The following SLC16A12 variants were observed in gnomAD, a reference collection of about 807,000 sequenced individuals.
SLC16A12 encodes monocarboxylate transporter 12.
Under a neutral mutation model 42.4 loss-of-function variants are expected in SLC16A12, and 17 were observed. The observed-to-expected ratio is 0.40, with a 90% CI of 0.27 to 0.60. The LOEUF (loss-of-function observed/expected upper bound fraction) is 0.60, where lower values mean the gene tolerates loss of function less well. SLC16A12 is among the 20% of genes least tolerant of loss of function. The pLI, the probability that SLC16A12 is intolerant of heterozygous loss-of-function variation, is 0.42. For missense variants in SLC16A12, 544 were observed against 623.0 expected, an observed-to-expected ratio of 0.87 and a Z score of 1.35; for synonymous variants, 224 against 229.4, an observed-to-expected ratio of 0.98 and a Z score of 0.21.
In SLC16A12 at chr10:89,487,229, C is replaced by T. The variant is rs1224006070; in HGVS notation, c.-46-24605G>A. Among the ~76,000 whole-genome samples the T allele has an allele frequency of 2.0e-5, 3 of 152,078 alleles. No individual in the cohort carries two copies. The East Asian group carries it at 5.8e-4, about 29-fold the overall frequency. On this transcript the variant is annotated intron_variant, in intron 2 of 7. Coordinates refer to ENST00000371790, the MANE Select transcript of SLC16A12 (RefSeq NM_213606.4). ...TAATTGGGTGTTTAAAGGAAATGCC[C>T]AGAATGGTGTGGCAAAAAGAGAACT... is the stretch of plus-strand genomic sequence containing the variant.
In SLC16A12 at chr10:89,546,103, G is replaced by A. The variant is rs553133949; in HGVS notation, c.-47+9779C>T. Among the ~76,000 whole-genome samples the A allele has an allele frequency of 4.5e-4, 69 of 152,170 alleles. 1 individual carries two copies. The highest frequency in any genetic ancestry group is 3.3e-3 in the South Asian group (16 of 4,822). On this transcript the variant is annotated intron_variant, in intron 2 of 2. Transcript: ENST00000475682. ...CATAAAAACCCTAGAAGAAAACCTA[G>A]GCAGTACCATTCAGGACACAGGCAT...
rs1374874756 is a variant in SLC16A12 at position 89,436,853 on chromosome 10, A to G, written c.1029-534T>C. Among the ~76,000 whole-genome samples the G allele has an allele frequency of 1.0e-3, 133 of 132,906 alleles. 1 individual carries two copies. The highest frequency in any genetic ancestry group is 3.6e-3 in the African/African-American group (124 of 34,710). The allele number at this position is 132,906 out of a possible 152,430, so 87.2% of individuals were successfully genotyped here. ...AAGGAAATAAGGAGAAAGAAAGAAA[A>G]GAAAGAAATAAAGAAAAAGAAAGAA... On this transcript the variant is annotated intron_variant, in intron 6 of 7. Transcript: ENST00000371790.
intron 2 of SLC16A12, among the ~76,000 whole-genome samples, chr10:89,523,245 T>G (rs937787302): frequency 6.6e-6 from 1 of 152,196 alleles, no homozygotes; most frequent in Admixed American, 6.5e-5. Flanking sequence ...CCCTTCAGCC[T>G]TACCACCCTT....
At chr10:89,483,234 C>A (rs1343314793) in intron 2 of SLC16A12, among the ~76,000 whole-genome samples, 1 of 152,126 alleles carries the variant, frequency 6.6e-6, no homozygotes, top group Non-Finnish European at 1.5e-5. Flanking sequence ...CCTTATGGGC[C>A]TCCTTCAACC....
At chr10:89,539,885 C>CTTTCTTTCTTTCTTTCTTTCTTTA (rs1554834018), upstream of SLC16A12, among the ~76,000 whole-genome samples, 92 of 144,466 alleles carry the variant, frequency 6.4e-4, no homozygotes, top group Non-Finnish European at 1.2e-3. Flanking sequence ...TTCTTTCTTT[C>CTTTCTTTCTTTCTTTCTTTCTTTA]TTTCTTTCTT....
chr10:89,441,787 A>C (rs1230380585), intron 4 of SLC16A12, among the ~76,000 whole-genome samples: 2 of 152,228 alleles, frequency 1.3e-5, no homozygotes, highest in Non-Finnish European at 2.9e-5. Context: ...AGAAAATCTA[A>C]GAAAAATGCT....
chr10:89,472,009 T>C (rs1029981355), intron 2 of SLC16A12, among the ~76,000 whole-genome samples: 41 of 152,326 alleles, frequency 2.7e-4, no homozygotes, highest in Non-Finnish European at 5.9e-4. Context: ...ATACTTTATA[T>C]ATTCTAGATA....
chr10:89,516,130 T>TAC (rs1191044625), intron 2 of SLC16A12, among the ~76,000 whole-genome samples: 50 of 152,304 alleles, frequency 3.3e-4, no homozygotes, highest in African/African-American at 1.2e-3. Flanking sequence ...TTTACTCTTA[T>TAC]TAGTTATTTG....
intron 3 of SLC16A12, among the ~76,000 whole-genome samples, chr10:89,448,506 C>T (rs574758278): frequency 1.3e-5 from 2 of 152,158 alleles, no homozygotes; most frequent in South Asian, 2.1e-4. Context: ...AGACAAAAAC[C>T]ACATGATTAT....
Position 89,433,072 on chromosome 10 carries a change from G to A in SLC16A12, c.1543C>T (p.Leu515Phe). The A allele has an allele frequency of 1.2e-6, 2 of 1,614,146 alleles. No individual in the cohort carries two copies. The highest frequency in any genetic ancestry group is 1.7e-6 in the Non-Finnish European group (2 of 1,180,018). Residue 515 changes from leucine to phenylalanine, a missense_variant, in exon 8 of 8, where the codon CTC (leucine) becomes TTC (phenylalanine). Physicochemically the swap from Leu to Phe is conservative, Grantham distance 22 (BLOSUM62 0). Transcript: ENST00000371790. ...GGGCTCAAGGCCTTTGGTCATGTGA[G>A]GCTGTAGCCAGGCACTGCTGTAGCC... ...PVATAVPGYS[L>F]T
At chr10:89,498,021 T>C (rs1471652523) in intron 2 of SLC16A12, among the ~76,000 whole-genome samples, 2 of 152,166 alleles carry the variant, frequency 1.3e-5, no homozygotes, top group East Asian at 1.9e-4. Flanking sequence ...AAAATAAAGA[T>C]AGTAGGGGCC....
chr10:89,459,309 GTT>G (rs201227644), intron 3 of SLC16A12, among the ~76,000 whole-genome samples: 6,374 of 143,688 alleles, frequency 0.044, 425 homozygotes, highest in African/African-American at 0.15. Context: ...AACCAAGGCA[GTT>G]TTTTTAAAAA....
chr10:89,455,448 G>A (rs1842173793), intron 3 of SLC16A12, among the ~76,000 whole-genome samples: 1 of 152,052 alleles, frequency 6.6e-6, no homozygotes, highest in South Asian at 2.1e-4. Context: ...TGAAATTCTT[G>A]TCTAAACATG....
intron 2 of SLC16A12, among the ~76,000 whole-genome samples, chr10:89,487,648 A>C (rs1435713354): frequency 1.4e-5 from 2 of 141,738 alleles, no homozygotes; most frequent in Non-Finnish European, 3.1e-5. Flanking sequence ...TAAAAATACA[A>C]AAAAAAAAAA....
chr10:89,454,788 A>G (rs1842158954), intron 3 of SLC16A12, among the ~76,000 whole-genome samples: 1 of 151,894 alleles, frequency 6.6e-6, no homozygotes, highest in African/African-American at 2.4e-5. Flanking sequence ...CATGCTGGAC[A>G]TTTATCACAC....
At chr10:89,541,252 G>A (rs771814926) in intron 2 of SLC16A12, among the ~76,000 whole-genome samples, 4 of 151,830 alleles carry the variant, frequency 2.6e-5, no homozygotes, top group Admixed American at 6.6e-5. Context: ...CCCACCTCTC[G>A]AGCCTCAGAT....
At chr10:89,481,468 C>T (rs899594774) in intron 2 of SLC16A12, among the ~76,000 whole-genome samples, 1 of 151,940 alleles carries the variant, frequency 6.6e-6, no homozygotes, top group Non-Finnish European at 1.5e-5. Context: ...TTTATCATTC[C>T]ACTAATACCT....
At chr10:89,435,848 G>A (rs1841773982) in intron 7 of SLC16A12, among the ~76,000 whole-genome samples, 2 of 152,250 alleles carry the variant, frequency 1.3e-5, no homozygotes, top group Middle Eastern at 3.4e-3. Flanking sequence ...CTCTTTCCAG[G>A]TAGGCTAAGG....
intron 2 of SLC16A12, among the ~76,000 whole-genome samples, chr10:89,500,194 A>C (rs1842974185): frequency 1.3e-5 from 2 of 152,194 alleles, no homozygotes; most frequent in South Asian, 4.1e-4. Context: ...GATTCACAGC[A>C]GGATTCTACC....
Sources: gnomAD v4.1 joint callset for allele counts (sites outside exome capture counted in the v4.1 genomes callset) on GRCh38, gnomAD v4.1.1 for gene constraint, MANE v1.5 for transcripts, NCBI Gene and HGNC (gene_info 2026-07-23, HGNC 2026-07-21) for gene names.